Variants in CCDC88C observed in about 807,000 individuals in gnomAD.
CCDC88C encodes protein Daple.
Under a neutral mutation model 198.8 loss-of-function variants are expected in CCDC88C, and 131 were observed. The observed-to-expected ratio is 0.66, with a 90% CI of 0.57 to 0.76. The LOEUF (loss-of-function observed/expected upper bound fraction) is 0.76. Ranked by LOEUF, CCDC88C falls within the 30% of genes least tolerant of loss-of-function variation. CCDC88C has a pLI of 0.00. For missense variants in CCDC88C, 2,553 were observed against 2,631.6 expected, an observed-to-expected ratio of 0.97 and a Z score of 0.65; for synonymous variants, 1,166 against 1,114.7, an observed-to-expected ratio of 1.05 and a Z score of -0.92.
chr14:91,286,885 A>G (rs1459737454), intron 25 of CCDC88C, among the ~76,000 whole-genome samples: 1 of 152,144 alleles, frequency 6.6e-6, no homozygotes, highest in Non-Finnish European at 1.5e-5. Flanking sequence ...TCACCTCTAC[A>G]CAGGGGAGGC....
chr14:91,314,435 T>C (rs961222284), intron 14 of CCDC88C, among the ~76,000 whole-genome samples: 3 of 152,240 alleles, frequency 2.0e-5, no homozygotes, highest in African/African-American at 4.8e-5. Context: ...TCTTGGTCTC[T>C]GGTAGCCGGG....
intron 2 of CCDC88C, among the ~76,000 whole-genome samples, chr14:91,413,505 G>A (rs1460994567): frequency 6.6e-6 from 1 of 152,178 alleles, no homozygotes; most frequent in Admixed American, 6.5e-5. Flanking sequence ...AAGTTAACCA[G>A]AGCAAACTTT....
chr14:91,330,475 A>G (rs904841292), intron 10 of CCDC88C, among the ~76,000 whole-genome samples: 37 of 152,304 alleles, frequency 2.4e-4, no homozygotes, highest in African/African-American at 8.7e-4. Flanking sequence ...CCAGACCATT[A>G]GGGAGGCACT....
chr14:91,320,302 G>A lies in CCDC88C; in HGVS notation c.1527+818C>T, dbSNP rs116242669. Among the ~76,000 whole-genome samples the A allele has an allele frequency of 9.1e-3, 1,393 of 152,284 alleles. 22 individuals carry two copies. Among genetic ancestry groups the A allele is most frequent in the African/African-American group, 0.032 (1,330 of 41,560 alleles). On this transcript the variant is annotated intron_variant, in intron 13 of 29. Transcript: ENST00000389857. ...TTGAGCTAATCAAATGGCAAATGATGTAATCAATCATGCCTATATAATGAA... is the reference window on the plus strand; with the variant it reads ...TTGAGCTAATCAAATGGCAAATGATATAATCAATCATGCCTATATAATGAA...
chr14:91,407,058 T>C (rs1272526785), intron 3 of CCDC88C, among the ~76,000 whole-genome samples: 1 of 152,004 alleles, frequency 6.6e-6, no homozygotes. Context: ...CTCACTGAAC[T>C]GGCCCACACA....
At chr14:91,368,045 G>A (rs72701436) in intron 3 of CCDC88C, among the ~76,000 whole-genome samples, 36,739 of 151,970 alleles carry the variant, frequency 0.24, 5,492 homozygotes, top group Non-Finnish European at 0.31. Context: ...ACTCCGAAGT[G>A]GCAAAAAGCT....
Position 91,417,692 on chromosome 14 carries a change from C to CT in CCDC88C, c.-3dup, listed in dbSNP as rs1887143814. The CT allele has an allele frequency of 6.5e-7, 1 of 1,540,586 alleles. No homozygotes were observed. ...GAGCTCCGAGACTGTCACGTCCATG[C>CT]TGAGGCTGCGCCCGCCGGCTCCGCG... On this transcript the variant is annotated 5_prime_UTR_variant, in exon 1 of 30. Coordinates refer to ENST00000389857, the MANE Select transcript of CCDC88C (RefSeq NM_001080414.4).
intron 4 of CCDC88C, among the ~76,000 whole-genome samples, chr14:91,353,140 G>A (rs1893889325): frequency 6.6e-6 from 1 of 152,154 alleles, no homozygotes; most frequent in African/African-American, 2.4e-5. Flanking sequence ...GTTTCCTCTG[G>A]CCCATGAATC....
intron 2 of CCDC88C, among the ~76,000 whole-genome samples, chr14:91,416,461 A>G (rs2140026832): frequency 6.6e-6 from 1 of 152,318 alleles, no homozygotes; most frequent in South Asian, 2.1e-4. Flanking sequence ...TAAGTCCTTG[A>G]GTCTGAAGTC....
chr14:91,344,788 C>T (rs1318874964), intron 4 of CCDC88C, among the ~76,000 whole-genome samples: 5 of 151,600 alleles, frequency 3.3e-5, no homozygotes, highest in East Asian at 1.9e-4. Flanking sequence ...CTTGAGCCAC[C>T]GCGCCCGGCC....
intron 21 of CCDC88C, among the ~76,000 whole-genome samples, chr14:91,298,756 T>G (rs1891138729): frequency 6.6e-6 from 1 of 152,210 alleles, no homozygotes; most frequent in African/African-American, 2.4e-5. Context: ...GTTTCACCCA[T>G]GTGCTTTATT....
intron 20 of CCDC88C, among the ~76,000 whole-genome samples, chr14:91,301,821 G>C (rs2042254318): frequency 6.6e-6 from 1 of 152,258 alleles, no homozygotes; most frequent in African/African-American, 2.4e-5. Flanking sequence ...TGGGCATCAT[G>C]CTAGTATCAG....
At chr14:91,416,862 G>T in intron 1 of CCDC88C, 24 bp from the exon 2 acceptor site, 1 of 1,543,756 alleles carries the variant, frequency 6.5e-7, no homozygotes, top group Non-Finnish European at 8.9e-7. Flanking sequence ...GACGAGGAGA[G>T]AAAGACAGGA....
At position 91,305,897 on chromosome 14, in the gene CCDC88C, C is replaced by T; in HGVS notation, c.3225G>A (p.Leu1075=). The T allele has an allele frequency of 6.2e-7, 1 of 1,613,790 alleles. No homozygotes were observed. Among genetic ancestry groups the T allele is most frequent in the Non-Finnish European group, 8.5e-7 (1 of 1,179,888 alleles). Residue 1075 remains leucine (L), a synonymous_variant, in exon 19 of 30, where the codon CTG becomes CTA. Transcript: ENST00000389857. ...CCAGGTGCTGCAGCTGTTCCTTTAG[C>T]AGCTGCTTCTCAGCCTGCAGAGCTG... is the stretch of plus-strand genomic sequence containing the variant. ...NNAALQAEKQ[L]LKEQLQHLET...
At chr14:91,360,252 TCACACACACACACACACA>T (rs57026211) in intron 3 of CCDC88C, among the ~76,000 whole-genome samples, 5 of 144,310 alleles carry the variant, frequency 3.5e-5, no homozygotes, top group East Asian at 2.1e-4. Context: ...GACCCCATCT[TCACACACACACACACACA>T]CACACACACA....
At chr14:91,335,816 T>G (rs1350044465) in intron 10 of CCDC88C, among the ~76,000 whole-genome samples, 2 of 152,360 alleles carry the variant, frequency 1.3e-5, no homozygotes, top group South Asian at 4.1e-4. Context: ...GAAGACGGTT[T>G]GCTAGGCTGT....
Position 91,277,924 on chromosome 14 carries a change from G to A in CCDC88C, c.5056C>T (p.His1686Tyr), listed in dbSNP as rs1200535954. ...LEESNRSSPT[H>Y]DTPSCRDDLL... ...AAGTCCGTGTCCGGATCACTCACAT[G>A]GGTGGGGGAGCTGCGGTTGCTCTCC... Residue 1686 changes from histidine to tyrosine, a missense_variant and splice_region_variant, in exon 29 of 30, where the codon CAT becomes TAT. His to Tyr is a moderately conservative substitution (Grantham distance 83). Coordinates refer to ENST00000389857, the MANE Select transcript of CCDC88C (RefSeq NM_001080414.4). 2.0e-6 allele frequency: 3 copies of A among 1,499,274 alleles called. No homozygotes were observed. Among genetic ancestry groups the A allele is most frequent in the Non-Finnish European group, 1.8e-6 (2 of 1,115,096 alleles). 92.9% of individuals were successfully genotyped at this position (1,499,274 alleles called of 1,614,324 possible).
At chr14:91,335,315 G>A (rs1421112193) in intron 10 of CCDC88C, among the ~76,000 whole-genome samples, 1 of 152,054 alleles carries the variant, frequency 6.6e-6, no homozygotes, top group Non-Finnish European at 1.5e-5. Context: ...CACGATGCAC[G>A]CTGCACACCT....
intron 3 of CCDC88C, among the ~76,000 whole-genome samples, chr14:91,405,686 G>A (rs545689544): frequency 2.0e-5 from 3 of 152,256 alleles, no homozygotes; most frequent in African/African-American, 7.2e-5. Flanking sequence ...TGATGGGTGG[G>A]TCTTTTCTCT....
Sources: gnomAD v4.1 joint callset for allele counts (sites outside exome capture counted in the v4.1 genomes callset) on GRCh38, gnomAD v4.1.1 for gene constraint, MANE v1.5 for transcripts, NCBI Gene and HGNC (gene_info 2026-07-23, HGNC 2026-07-21) for gene names.